PLEKHA5: variants seen among roughly 807,000 people sequenced by gnomAD.
PLEKHA5 encodes pleckstrin homology domain containing A5.
A neutral mutation model predicts 181.9 loss-of-function variants in PLEKHA5; 55 were observed. The observed-to-expected ratio is 0.30, with a 90% confidence interval of 0.24 to 0.38. The LOEUF (loss-of-function observed/expected upper bound fraction) is 0.38, where lower values mean the gene tolerates loss of function less well. Ranked by LOEUF, PLEKHA5 falls within the 10% of genes least tolerant of loss-of-function variation. The pLI is 1.00. For synonymous variants in PLEKHA5, 535 were observed against 529.4 expected, an observed-to-expected ratio of 1.01 and a Z score of -0.15; for missense variants, 1,432 against 1,549.5, an observed-to-expected ratio of 0.92 and a Z score of 1.27.
chr12:19,186,962 G>T (rs1323204153), intron 3 of PLEKHA5, among the ~76,000 whole-genome samples: 1 of 152,158 alleles, frequency 6.6e-6, no homozygotes, highest in Non-Finnish European at 1.5e-5. Context: ...TTACAAAGAT[G>T]TGTGTCCTAT....
At chr12:19,217,118 T>A (rs1013122259) in intron 3 of PLEKHA5, among the ~76,000 whole-genome samples, 1 of 152,232 alleles carries the variant, frequency 6.6e-6, no homozygotes, top group Non-Finnish European at 1.5e-5. Context: ...ATGTTGTAAT[T>A]ATGATTTTTA....
chr12:19,288,460 C>A (rs2077707453), intron 13 of PLEKHA5, among the ~76,000 whole-genome samples: 1 of 152,088 alleles, frequency 6.6e-6, no homozygotes, highest in Non-Finnish European at 1.5e-5. Flanking sequence ...TAATGGTATT[C>A]TTTTATCAGG....
At chr12:19,257,400 C>A in intron 5 of PLEKHA5, 33 bp from the exon 6 acceptor site, 2 of 1,058,558 alleles carry the variant, frequency 1.9e-6, no homozygotes, top group Non-Finnish European at 2.9e-6. Context: ...GGCATTAATA[C>A]CACATTTTCT....
intron 20 of PLEKHA5, among the ~76,000 whole-genome samples, chr12:19,335,582 ATTTTTTTTTTT>A (rs34158055): frequency 9.3e-6 from 1 of 108,000 alleles, no homozygotes; most frequent in Non-Finnish European, 1.9e-5. Context: ...CGCCTGGCTA[ATTTTTTTTTTT>A]TTTTTTTTTG....
chr12:19,328,580 T>C (rs2092508694), intron 20 of PLEKHA5, among the ~76,000 whole-genome samples: 1 of 151,094 alleles, frequency 6.6e-6, no homozygotes. Context: ...TGTGTGTGTG[T>C]GTGTGTGTGT....
intron 3 of PLEKHA5, among the ~76,000 whole-genome samples, chr12:19,235,435 A>G (rs1352618362): frequency 1.3e-5 from 2 of 152,242 alleles, no homozygotes; most frequent in South Asian, 2.1e-4. Flanking sequence ...GGTAAAGGGC[A>G]TGAACTGTAG....
chr12:19,319,100 T>A lies in PLEKHA5; in HGVS notation c.2119-921T>A, dbSNP rs373996694. On this transcript the variant is annotated intron_variant, in intron 16 of 31. Coordinates refer to ENST00000429027, the MANE Select transcript of PLEKHA5 (RefSeq NM_001256470.2). ...TTTTTCCAGATAGGAATATAAATTATTTTCTTGGATCTAGGTGCTTTAATT... is the reference window on the plus strand; with the variant it reads ...TTTTTCCAGATAGGAATATAAATTAATTTCTTGGATCTAGGTGCTTTAATT... Among the ~76,000 whole-genome samples, 4 of 152,306 alleles carry A rather than the reference T, an allele frequency of 2.6e-5. No individual in the cohort carries two copies. In the East Asian group the frequency reaches 7.7e-4, roughly 29 times the overall value.
At position 19,130,057 on chromosome 12, in the gene PLEKHA5, G is replaced by A. The variant is rs1591747287; in HGVS notation, c.96G>A (p.Glu32=). The A allele has an allele frequency of 6.3e-7, 1 of 1,588,078 alleles. No homozygotes were observed. The highest frequency in any genetic ancestry group is 8.6e-7 in the Non-Finnish European group (1 of 1,168,534). Residue 32 remains glutamate, a synonymous_variant, in exon 2 of 32, where the codon GAG becomes GAA. Coordinates refer to ENST00000429027, the MANE Select transcript of PLEKHA5 (RefSeq NM_001256470.2). The surrounding 1 kb of genome is among the most constrained non-coding windows in gnomAD (Gnocchi z 4.5). ...CCTTCTCTCACCCCTGCAGCGAGGA[G>A]GCCAAGAGCACCACCTGGCTGCACC... is the stretch of plus-strand genomic sequence containing the variant. The part of the protein sequence containing the change: ...RGGRVFFINE[E]AKSTTWLHPV...
chr12:19,337,134 TG>T (rs2093495075), intron 21 of PLEKHA5, among the ~76,000 whole-genome samples: 1 of 151,714 alleles, frequency 6.6e-6, no homozygotes, highest in Non-Finnish European at 1.5e-5. Context: ...ATCACAGGCA[TG>T]CACCACCAAG....
intron 31 of PLEKHA5, chr12:19,371,835 G>A (rs1168962920): frequency 6.6e-6 from 1 of 152,142 alleles, no homozygotes; most frequent in Non-Finnish European, 1.5e-5. Flanking sequence ...TCAGTAGTGG[G>A]ATTGCTGGAT....
chr12:19,271,539 T>C (rs2072791881), intron 10 of PLEKHA5, among the ~76,000 whole-genome samples: 1 of 152,126 alleles, frequency 6.6e-6, no homozygotes. Context: ...ACTTTTAACT[T>C]CAAAGCAAAA....
At chr12:19,282,068 C>T (rs982599199) in intron 11 of PLEKHA5, among the ~76,000 whole-genome samples, 2 of 152,178 alleles carry the variant, frequency 1.3e-5, no homozygotes, top group Non-Finnish European at 2.9e-5. Flanking sequence ...AGGCGTGAGC[C>T]ACTGCGCCCG....
At chr12:19,179,529 A>T (rs889887600) in intron 3 of PLEKHA5, among the ~76,000 whole-genome samples, 5 of 152,070 alleles carry the variant, frequency 3.3e-5, no homozygotes, top group African/African-American at 9.7e-5. Flanking sequence ...GCGTGGTGGC[A>T]CATACCTGTA....
At chr12:19,282,284 A>G (rs569685792) in intron 11 of PLEKHA5, among the ~76,000 whole-genome samples, 84 of 152,296 alleles carry the variant, frequency 5.5e-4, no homozygotes, top group African/African-American at 1.4e-3. Context: ...TCTACCATCT[A>G]TGAAGTGGAA....
At chr12:19,177,919 T>C (rs2047690967) in intron 3 of PLEKHA5, among the ~76,000 whole-genome samples, 1 of 152,366 alleles carries the variant, frequency 6.6e-6, no homozygotes, top group East Asian at 1.9e-4. Context: ...GATCAGCTTC[T>C]GTGTGACTAA....
At chr12:19,353,307 C>A (rs1047783180) in intron 25 of PLEKHA5, among the ~76,000 whole-genome samples, 1 of 151,980 alleles carries the variant, frequency 6.6e-6, no homozygotes, top group African/African-American at 2.4e-5. Context: ...ACACCTGACA[C>A]CATGCCTGGC....
At position 19,225,328 on chromosome 12, in the gene PLEKHA5, A is replaced by G. The variant is rs143535574; in HGVS notation, c.228-28612A>G. 8.5e-5 allele frequency among the ~76,000 whole-genome samples: 13 copies of G among 152,302 alleles called. No homozygotes were observed. The East Asian group carries it at 2.1e-3, about 25-fold the overall frequency. ...ACGTTCCTCAGAGCAGAAATTGTGG[A>G]CCAGTGCAGAATTTGCTTACTACAT... On this transcript the variant is annotated intron_variant, in intron 3 of 31. Coordinates refer to ENST00000429027, the MANE Select transcript of PLEKHA5 (RefSeq NM_001256470.2).
intron 15 of PLEKHA5, among the ~76,000 whole-genome samples, chr12:19,296,812 T>A (rs935277479): frequency 5.9e-5 from 9 of 152,084 alleles, no homozygotes; most frequent in Non-Finnish European, 1.5e-5. Context: ...AGTGAAGAGG[T>A]AGCACTTTTT....
chr12:19,192,659 T>G (rs1375461503), intron 3 of PLEKHA5, among the ~76,000 whole-genome samples: 2 of 152,176 alleles, frequency 1.3e-5, no homozygotes, highest in Non-Finnish European at 2.9e-5. Flanking sequence ...TGAGCCCAGA[T>G]GGCACCTCTG....
Sources: allele counts gnomAD v4.1 joint callset (sites outside exome capture counted in the v4.1 genomes callset), GRCh38; gene constraint gnomAD v4.1.1; non-coding constraint Gnocchi (gnomAD v3.1); transcripts MANE v1.5; gene names NCBI Gene and HGNC (gene_info 2026-07-23, HGNC 2026-07-21).